The following GPR158 variants were observed in gnomAD, a reference collection of about 807,000 sequenced individuals.
GPR158 encodes metabotropic glycine receptor.
GPR158 carries 30 observed loss-of-function variants against 78.2 expected under a neutral mutation model. The ratio of observed to expected loss-of-function variants is 0.38; its 90% CI spans 0.29 to 0.52. GPR158 has a LOEUF of 0.52. Among genes scored for constraint, GPR158 ranks in the 20% least tolerant of loss-of-function variants. The pLI, the probability that GPR158 is intolerant of heterozygous loss-of-function variation, is 0.83. For synonymous variants in GPR158, 581 were observed against 591.1 expected (o/e 0.98, Z 0.25); for missense variants, 1,463 against 1,523.5 (o/e 0.96, Z 0.66).
At chr10:25,515,362 G>C (rs1836149950) in intron 5 of GPR158, among the ~76,000 whole-genome samples, 1 of 151,050 alleles carries the variant, frequency 6.6e-6, no homozygotes, top group South Asian at 2.1e-4. Flanking sequence ...TTTAATTTAT[G>C]TTATCTATTT....
chr10:25,503,268 T>A (rs1202921759), intron 5 of GPR158, among the ~76,000 whole-genome samples: 1 of 151,980 alleles, frequency 6.6e-6, no homozygotes, highest in Non-Finnish European at 1.5e-5. Context: ...TCCTAGCTAC[T>A]TAGGAGGCTG....
chr10:25,346,411 C>T (rs1855372136), intron 2 of GPR158, among the ~76,000 whole-genome samples: 1 of 151,734 alleles, frequency 6.6e-6, no homozygotes, highest in Non-Finnish European at 1.5e-5. Context: ...TACAGGTGTC[C>T]ATTATAAACA....
chr10:25,316,606 A>T (rs57680341), intron 2 of GPR158, among the ~76,000 whole-genome samples: 30,711 of 152,142 alleles, frequency 0.2, 5,227 homozygotes, highest in African/African-American at 0.47. Context: ...TTAAAATCAC[A>T]ACTATTGACA....
At chr10:25,496,777 G>A (rs980288379) in intron 5 of GPR158, among the ~76,000 whole-genome samples, 12 of 152,212 alleles carry the variant, frequency 7.9e-5, no homozygotes, top group Non-Finnish European at 1.8e-4. Context: ...ACAGAAAAGA[G>A]CAGAGTCCTG....
intron 2 of GPR158, among the ~76,000 whole-genome samples, chr10:25,390,889 G>T (rs1834287048): frequency 6.6e-6 from 1 of 152,194 alleles, no homozygotes. Context: ...CACAGGCCTG[G>T]AGGCCCAGGG....
intron 2 of GPR158, among the ~76,000 whole-genome samples, chr10:25,284,867 G>C (rs1854325789): frequency 6.6e-6 from 1 of 151,794 alleles, no homozygotes; most frequent in South Asian, 2.1e-4. Flanking sequence ...TTTCAATATA[G>C]TATAAATACT....
chr10:25,324,472 G>C (rs1854998858), intron 2 of GPR158, among the ~76,000 whole-genome samples: 1 of 152,164 alleles, frequency 6.6e-6, no homozygotes, highest in East Asian at 1.9e-4. Context: ...TAAGTTTGCT[G>C]TATTATATGG....
intron 7 of GPR158, among the ~76,000 whole-genome samples, chr10:25,581,729 A>G (rs1335196): frequency 6.6e-6 from 1 of 152,128 alleles, no homozygotes; most frequent in African/African-American, 2.4e-5. Flanking sequence ...TCACTAGTCA[A>G]AGCTACCAGG....
At chr10:25,553,906 AC>A (rs1299604541) in intron 6 of GPR158, among the ~76,000 whole-genome samples, 1 of 152,192 alleles carries the variant, frequency 6.6e-6, no homozygotes, top group African/African-American at 2.4e-5. Context: ...AAGTTTAATA[AC>A]TTTAAGATGG....
At chr10:25,289,933 A>G (rs937535365) in intron 2 of GPR158, among the ~76,000 whole-genome samples, 3 of 152,228 alleles carry the variant, frequency 2.0e-5, no homozygotes, top group Non-Finnish European at 2.9e-5. Flanking sequence ...TGACAAATCA[A>G]GACTGTAATT....
chr10:25,438,019 C>T (rs1188000994), intron 4 of GPR158, among the ~76,000 whole-genome samples: 1 of 152,168 alleles, frequency 6.6e-6, no homozygotes, highest in Non-Finnish European at 1.5e-5. Flanking sequence ...GTCCTGAGTG[C>T]AGGTGGAGCT....
At chr10:25,369,153 C>T (rs1397787011) in intron 2 of GPR158, among the ~76,000 whole-genome samples, 2 of 151,442 alleles carry the variant, frequency 1.3e-5, no homozygotes, top group Admixed American at 6.6e-5. Flanking sequence ...ATTGAATACC[C>T]TTTATTTCCT....
At chr10:25,364,408 A>C (rs1397137932) in intron 2 of GPR158, among the ~76,000 whole-genome samples, 11 of 151,928 alleles carry the variant, frequency 7.2e-5, no homozygotes, top group Admixed American at 6.6e-4. Context: ...CCATTTCTCC[A>C]TAAATTTGAA....
intron 2 of GPR158, among the ~76,000 whole-genome samples, chr10:25,227,438 A>G (rs1307683498): frequency 6.6e-6 from 1 of 152,250 alleles, no homozygotes; most frequent in African/African-American, 2.4e-5. Context: ...TTCTGGTTAA[A>G]TACTAAACCA....
At chr10:25,346,922 A>AT (rs955731490) in intron 2 of GPR158, among the ~76,000 whole-genome samples, 3 of 151,806 alleles carry the variant, frequency 2.0e-5, no homozygotes, top group Admixed American at 6.6e-5. Context: ...ACCTGGCTTG[A>AT]TTTTTTTTAA....
At chr10:25,197,223 C>G (rs1852855923) in intron 1 of GPR158, among the ~76,000 whole-genome samples, 1 of 152,174 alleles carries the variant, frequency 6.6e-6, no homozygotes, top group Admixed American at 6.5e-5. Flanking sequence ...ATCACATTCG[C>G]CCTTTTACTT....
chr10:25,374,571 A>T (rs189718855), intron 2 of GPR158, among the ~76,000 whole-genome samples: 1 of 151,898 alleles, frequency 6.6e-6, no homozygotes, highest in African/African-American at 2.4e-5. Flanking sequence ...CCTTTCCTCC[A>T]TTATGAATCC....
At chr10:25,316,895 G>A (rs200520011) in intron 2 of GPR158, among the ~76,000 whole-genome samples, 206 of 107,354 alleles carry the variant, frequency 1.9e-3, no homozygotes, top group African/African-American at 0.011. Context: ...ATTTGTGTGT[G>A]TGTGTGTGTG....
At chr10:25,493,880 A>C (rs1443060578) in intron 5 of GPR158, among the ~76,000 whole-genome samples, 1 of 152,220 alleles carries the variant, frequency 6.6e-6, no homozygotes, top group Non-Finnish European at 1.5e-5. Flanking sequence ...AAAGTAGTTG[A>C]GGTGATTTTG....
Sources: gnomAD v4.1 joint callset for allele counts (sites outside exome capture counted in the v4.1 genomes callset) on GRCh38, gnomAD v4.1.1 for gene constraint, MANE v1.5 for transcripts, NCBI Gene and HGNC (gene_info 2026-07-23, HGNC 2026-07-21) for gene names.